SMAD3: variants seen among roughly 807,000 people sequenced by gnomAD.
The protein encoded by SMAD3 is SMAD family member 3.
A neutral mutation model predicts 51.8 loss-of-function variants in SMAD3; 12 were observed. The ratio of observed to expected loss-of-function variants is 0.23; its 90% CI spans 0.15 to 0.38. The LOEUF (loss-of-function observed/expected upper bound fraction) is 0.38. SMAD3 is among the 10% of genes least tolerant of loss of function. The probability of loss-of-function intolerance (pLI) is 1.00; values close to 1 mark genes in which losing one functional copy is unlikely to be tolerated. For synonymous variants in SMAD3, 238 were observed against 227.7 expected (o/e 1.05, Z -0.41); for missense variants, 294 against 565.6 (o/e 0.52, Z 4.87).
In SMAD3 at chr15:67,170,572, C is replaced by T. The variant is rs1209899173; in HGVS notation, c.626C>T (p.Pro209Leu). 1.9e-6 allele frequency: 3 copies of T among 1,614,000 alleles called. No homozygotes were observed. The highest frequency in any genetic ancestry group is 1.7e-6 in the Non-Finnish European group (2 of 1,179,892). Reference protein sequence around the residue: ...SMDAGSPNLSPNPMSPAHNNL... With the variant: ...SMDAGSPNLSLNPMSPAHNNL... ...CTCGCAGGTTCTCCAAACCTATCCCCGAATCCGATGTCCCCAGCACATAAT... is the reference window on the plus strand; with the variant it reads ...CTCGCAGGTTCTCCAAACCTATCCCTGAATCCGATGTCCCCAGCACATAAT... Residue 209 changes from proline to leucine, a missense_variant, in exon 5 of 9, where the codon CCG becomes CTG. Pro to Leu is a moderately conservative substitution (Grantham distance 98). This residue lies in a region of SMAD3 where 29 missense variants were observed against 26.7 expected (regional missense o/e 1.09). Coordinates refer to ENST00000327367, the MANE Select transcript of SMAD3 (RefSeq NM_005902.4).
chr15:67,100,553 TATTA>T, intron 1 of SMAD3, among the ~76,000 whole-genome samples: 1 of 152,244 alleles, frequency 6.6e-6, no homozygotes. Flanking sequence ...TTAATAAATG[TATTA>T]ATTACAATAT....
At chr15:67,116,706 G>A (rs1684513146) in intron 1 of SMAD3, among the ~76,000 whole-genome samples, 1 of 152,178 alleles carries the variant, frequency 6.6e-6, no homozygotes. Flanking sequence ...CACAGTGAAG[G>A]AGAGTCTTAG....
chr15:67,135,386 G>A (rs1003176440), intron 1 of SMAD3, among the ~76,000 whole-genome samples: 5 of 152,176 alleles, frequency 3.3e-5, no homozygotes, highest in Non-Finnish European at 7.4e-5. Flanking sequence ...TTGCCCCTTG[G>A]AAGCTTGGTT....
intron 1 of SMAD3, among the ~76,000 whole-genome samples, chr15:67,151,829 T>C (rs1962153475): frequency 6.6e-6 from 1 of 152,200 alleles, no homozygotes; most frequent in African/African-American, 2.4e-5. Context: ...GTTGGAAGCA[T>C]TCAATATCCT....
chr15:67,140,658 T>C lies in SMAD3; in HGVS notation c.207-24237T>C, dbSNP rs566668753. On this transcript the variant is annotated intron_variant, in intron 1 of 8. Coordinates refer to ENST00000327367, the MANE Select transcript of SMAD3 (RefSeq NM_005902.4). The stretch of plus-strand genomic sequence containing the variant: ...TTAATAATGACACCAGGTCAACACA[T>C]GCGAACCCAACTGTCCTGAACAAAC... Among the ~76,000 whole-genome samples the C allele has an allele frequency of 2.8e-3, 433 of 152,254 alleles. 1 individual carries two copies. The highest frequency in any genetic ancestry group is 0.01 in the African/African-American group (424 of 41,542).
At chr15:67,116,429 G>A (rs148394667) in intron 1 of SMAD3, among the ~76,000 whole-genome samples, 2 of 152,342 alleles carry the variant, frequency 1.3e-5, no homozygotes, top group Non-Finnish European at 2.9e-5. Flanking sequence ...AGGAATCTAA[G>A]CTTTTGAATC....
intron 1 of SMAD3, chr15:67,098,520 T>G: frequency 6.7e-6 from 2 of 300,466 alleles, no homozygotes; most frequent in Non-Finnish European, 1.3e-5. Flanking sequence ...ATAGCAGGGG[T>G]TTCTTACTGC....
chr15:67,176,071 T>A (rs1566996769), intron 5 of SMAD3, among the ~76,000 whole-genome samples: 1 of 151,996 alleles, frequency 6.6e-6, no homozygotes, highest in Non-Finnish European at 1.5e-5. Flanking sequence ...GGCATGGGGG[T>A]CTCTGTGCAG....
rs557112720 is a variant in SMAD3, at chr15:67,132,388, G to A, written c.207-32507G>A. Among the ~76,000 whole-genome samples the A allele has an allele frequency of 2.0e-5, 3 of 152,282 alleles. No homozygotes were observed. In the South Asian group the frequency reaches 6.2e-4, roughly 32 times the overall value. Reference sequence around the variant, plus strand: ...GAACATTGCCCCATCTCCACCCCGGGAATCTATATGCCCCTCCCATAGGCA... The same window carrying A: ...GAACATTGCCCCATCTCCACCCCGGAAATCTATATGCCCCTCCCATAGGCA... On this transcript the variant is annotated intron_variant, in intron 1 of 8. Coordinates refer to ENST00000327367, the MANE Select transcript of SMAD3 (RefSeq NM_005902.4).
At chr15:67,147,252 G>A (rs1000613840) in intron 1 of SMAD3, among the ~76,000 whole-genome samples, 1 of 152,188 alleles carries the variant, frequency 6.6e-6, no homozygotes, top group Non-Finnish European at 1.5e-5. Flanking sequence ...AGGCTGCAGT[G>A]GACTGTGGCC....
Position 67,066,140 on chromosome 15 carries a change from G to A in SMAD3, c.-15G>A, listed in dbSNP as rs1061427. The stretch of plus-strand genomic sequence containing the variant: ...GCCGGGGGCGCTCCTCGCCGCCCGC[G>A]CGCCCTCCCCAGCCATGTCGTCCAT... On this transcript the variant is annotated 5_prime_UTR_variant, in exon 1 of 9. Coordinates refer to ENST00000327367, the MANE Select transcript of SMAD3 (RefSeq NM_005902.4). 0.23 allele frequency: 367,048 copies of A among 1,567,362 alleles called. 44,612 individuals are homozygous for A. Among genetic ancestry groups the A allele is most frequent in the South Asian group, 0.31 (26,947 of 86,050 alleles).
At chr15:67,150,798 C>CTT (rs774186264) in intron 1 of SMAD3, among the ~76,000 whole-genome samples, 562 of 35,526 alleles carry the variant, frequency 0.016, 66 homozygotes, top group East Asian at 0.073. Context: ...CCATGTCCTG[C>CTT]TTTTTTTTTT....
At chr15:67,161,634 C>T (rs573192336) in intron 1 of SMAD3, among the ~76,000 whole-genome samples, 7 of 152,334 alleles carry the variant, frequency 4.6e-5, no homozygotes, top group African/African-American at 1.7e-4. Context: ...TATTCCCACT[C>T]ACCACTTCCC....
intron 1 of SMAD3, among the ~76,000 whole-genome samples, chr15:67,090,374 G>T (rs1012314403): frequency 3.9e-5 from 6 of 152,088 alleles, no homozygotes; most frequent in Non-Finnish European, 8.8e-5. Flanking sequence ...TCCTTCAGAG[G>T]CTGTGAAAGA....
chr15:67,107,969 C>A (rs1238858993), intron 1 of SMAD3, among the ~76,000 whole-genome samples: 1 of 134,410 alleles, frequency 7.4e-6, no homozygotes, highest in South Asian at 3.0e-4. Context: ...CTCCTCTCCC[C>A]CCCACCCCCC....
chr15:67,117,103 G>T (rs76791518), intron 1 of SMAD3, among the ~76,000 whole-genome samples: 2,961 of 152,270 alleles, frequency 0.019, 79 homozygotes, highest in African/African-American at 0.066. Flanking sequence ...GCCTCCCCTT[G>T]TGGAGGGATG....
Position 67,187,537 on chromosome 15 carries a change from G to A in SMAD3, c.1154+28G>A, listed in dbSNP as rs771436618. 3 of 1,613,920 alleles carry A rather than the reference G, an allele frequency of 1.9e-6. No individual in the cohort carries two copies. In the African/African-American group the frequency reaches 4.0e-5, roughly 22 times the overall value. On this transcript the variant is annotated intron_variant, in intron 8 of 8. Coordinates refer to ENST00000327367, the MANE Select transcript of SMAD3 (RefSeq NM_005902.4). ...CAGTTATGGGTGCTGCCTACATCAG[G>A]GGACCCAACTCCAGGTGACTCTGGA...
chr15:67,094,180 C>T (rs572222979), intron 1 of SMAD3, among the ~76,000 whole-genome samples: 1 of 152,308 alleles, frequency 6.6e-6, no homozygotes, highest in Admixed American at 6.5e-5. Flanking sequence ...GGAAGTCAGC[C>T]TGCACCTCGG....
intron 1 of SMAD3, among the ~76,000 whole-genome samples, chr15:67,092,167 G>C (rs1402552016): frequency 6.6e-6 from 1 of 152,144 alleles, no homozygotes; most frequent in African/African-American, 2.4e-5. Flanking sequence ...TCCTGATCTG[G>C]AGCCTGGAAA....
Sources: allele counts gnomAD v4.1 joint callset (sites outside exome capture counted in the v4.1 genomes callset), GRCh38; gene constraint gnomAD v4.1.1; regional missense constraint gnomAD v4.1.1; transcripts MANE v1.5; gene names NCBI Gene and HGNC (gene_info 2026-07-23, HGNC 2026-07-21).